The following FBXO34 variants were observed in gnomAD, a reference collection of about 807,000 sequenced individuals.
FBXO34 encodes the protein F-box only protein 34.
A neutral mutation model predicts 24.5 loss-of-function variants in FBXO34; 12 were observed. That is an observed-to-expected ratio of 0.49 (90% confidence interval 0.31 to 0.79). The LOEUF (loss-of-function observed/expected upper bound fraction) is 0.79, where lower values mean the gene tolerates loss of function less well. FBXO34 is among the 30% of genes least tolerant of loss of function. The probability of loss-of-function intolerance (pLI) is 0.04; values close to 1 mark genes in which losing one functional copy is unlikely to be tolerated. For missense variants in FBXO34, 823 were observed against 857.7 expected (o/e 0.96, Z 0.51); for synonymous variants, 320 against 311.9 (o/e 1.03, Z -0.27).
At chr14:55,385,289 G>GT in the FBXO34 span, among the ~76,000 whole-genome samples, 93 of 151,318 alleles carry the variant, frequency 6.1e-4, 1 homozygote, top group South Asian at 0.013. Flanking sequence ...TGGTTCTCTG[G>GT]TTTTTTTTTG....
At position 55,288,919 on chromosome 14, in the gene FBXO34, C is replaced by T. The variant is rs750332647; in HGVS notation, c.-11+17382C>T. Among the ~76,000 whole-genome samples, 16 of 152,172 alleles carry T rather than the reference C, an allele frequency of 1.1e-4. No homozygotes were observed. The South Asian group carries it at 1.2e-3, about 12-fold the overall frequency. ...CACAAAAATTAGCCAGGCGTGGTGGCGCATGCCTGTAATCCCAGTTACTGG... is the reference window on the plus strand; with the variant it reads ...CACAAAAATTAGCCAGGCGTGGTGGTGCATGCCTGTAATCCCAGTTACTGG... On this transcript the variant is annotated intron_variant, in intron 1 of 1. Coordinates refer to ENST00000313833, the MANE Select transcript of FBXO34 (RefSeq NM_017943.4).
the FBXO34 span, among the ~76,000 whole-genome samples, chr14:55,409,457 GGTAA>G: frequency 0.049 from 7,421 of 152,182 alleles, 431 homozygotes; most frequent in East Asian, 0.28. Flanking sequence ...ATCACATGGT[GGTAA>G]GTGTTATGGA....
chr14:55,313,188 A>C (rs754136721), intron 1 of FBXO34, among the ~76,000 whole-genome samples: 1 of 152,174 alleles, frequency 6.6e-6, no homozygotes, highest in African/African-American at 2.4e-5. Context: ...CTCAAGTTCA[A>C]AGTTCCACAG....
chr14:55,380,871 A>G, the FBXO34 span, among the ~76,000 whole-genome samples: 1 of 90,032 alleles, frequency 1.1e-5, no homozygotes, highest in Non-Finnish European at 2.1e-5. Flanking sequence ...ATATATATAT[A>G]TATATTTTTT....
chr14:55,380,678 C>T, the FBXO34 span: 1 of 1,603,180 alleles, frequency 6.2e-7, no homozygotes, highest in Admixed American at 1.7e-5. Flanking sequence ...GGCAGGGTTA[C>T]TCTGCTCCAT....
intron 1 of FBXO34, among the ~76,000 whole-genome samples, chr14:55,341,573 T>C (rs191326836): frequency 1.3e-5 from 2 of 152,364 alleles, no homozygotes; most frequent in African/African-American, 4.8e-5. Context: ...GAGTTGTTAA[T>C]AGGAACTCCG....
chr14:55,432,697 C>T, the FBXO34 span, among the ~76,000 whole-genome samples: 45,652 of 152,000 alleles, frequency 0.3, 9,392 homozygotes, highest in African/African-American at 0.6. Flanking sequence ...CCAGTGTCCA[C>T]AGGATAAAAT....
chr14:55,293,084 T>C (rs1019662792), intron 1 of FBXO34, among the ~76,000 whole-genome samples: 3 of 151,906 alleles, frequency 2.0e-5, no homozygotes, highest in Non-Finnish European at 4.4e-5. Context: ...GGTTTCACCA[T>C]GTTGGCCAGG....
chr14:55,304,209 G>GT (rs1301559444), intron 1 of FBXO34, among the ~76,000 whole-genome samples: 1 of 152,080 alleles, frequency 6.6e-6, no homozygotes, highest in African/African-American at 2.4e-5. Flanking sequence ...ATTAAAAACA[G>GT]TAAAAACTCT....
At position 55,331,731 on chromosome 14, in the gene FBXO34, ATATATATATG is replaced by A. The variant is rs1566559490; in HGVS notation, c.-10-18648_-10-18639del. Reference sequence around the variant, plus strand: ...TATATATATATGTATATATATATGTATATATATATGTGTGTATATATATATATATGTATAT... The same window carrying A: ...TATATATATATGTATATATATATGTATGTGTATATATATATATATGTATAT... On this transcript the variant is annotated intron_variant, in intron 1 of 1. Coordinates refer to ENST00000313833, the MANE Select transcript of FBXO34 (RefSeq NM_017943.4). Among the ~76,000 whole-genome samples the A allele has an allele frequency of 2.8e-4, 14 of 50,036 alleles. 3 individuals are homozygous for A. Among genetic ancestry groups the A allele is most frequent in the African/African-American group, 2.5e-3 (12 of 4,732 alleles). 32.8% of individuals were successfully genotyped at this position (50,036 alleles called of 152,430 possible).
chr14:55,279,228 GTGAGCTGAGGTCA>G (rs1881447558), intron 1 of FBXO34, among the ~76,000 whole-genome samples: 1 of 151,078 alleles, frequency 6.6e-6, no homozygotes. Flanking sequence ...GGAGGCTGCA[GTGAGCTGAGGTCA>G]TGCCACTGCA....
At chr14:55,310,592 C>CT (rs1882701550) in intron 1 of FBXO34, among the ~76,000 whole-genome samples, 1 of 152,142 alleles carries the variant, frequency 6.6e-6, no homozygotes, top group Non-Finnish European at 1.5e-5. Flanking sequence ...TACAAGGAAT[C>CT]TTTTAGATTA....
chr14:55,421,060 C>CAAAA, the FBXO34 span, among the ~76,000 whole-genome samples: 42 of 107,528 alleles, frequency 3.9e-4, no homozygotes, highest in Admixed American at 4.2e-4. Context: ...GAATCTGTCT[C>CAAAA]AAAAAAAAAA....
exon 3 of FBXO34, chr14:55,367,836 G>T (rs1276315599): frequency 2.6e-5 from 4 of 151,720 alleles, no homozygotes. Flanking sequence ...CTACCGGATA[G>T]AAATAAACTC....
chr14:55,279,578 T>C (rs1881464451), intron 1 of FBXO34, among the ~76,000 whole-genome samples: 1 of 152,194 alleles, frequency 6.6e-6, no homozygotes. Context: ...ATATAAACCC[T>C]TGGAGTATGT....
chr14:55,281,473 A>G lies in FBXO34; in HGVS notation c.-11+9936A>G, dbSNP rs1335328984. Among the ~76,000 whole-genome samples, 5 of 152,132 alleles carry G rather than the reference A, an allele frequency of 3.3e-5. No individual in the cohort carries two copies. In the East Asian group the frequency reaches 9.6e-4, roughly 29 times the overall value. ...ACACAGTTGGCAGGTTAGTTGGACA[A>G]AAATTCCAGCGGGATGATGTTACTC... On this transcript the variant is annotated intron_variant, in intron 1 of 1. Coordinates refer to ENST00000313833, the MANE Select transcript of FBXO34 (RefSeq NM_017943.4).
At chr14:55,368,150 T>G (rs1884725589), downstream of FBXO34, 1 of 152,684 alleles carries the variant, frequency 6.5e-6, no homozygotes, top group African/African-American at 2.4e-5. Flanking sequence ...TCTCTCATTA[T>G]AGTTTTCTTG....
intron 1 of FBXO34, among the ~76,000 whole-genome samples, chr14:55,291,043 T>C (rs967550532): frequency 6.6e-6 from 1 of 152,076 alleles, no homozygotes; most frequent in African/African-American, 2.4e-5. Context: ...GCCATGCTCG[T>C]CTTGAACTCC....
At chr14:55,283,211 T>C (rs1881620431) in intron 1 of FBXO34, among the ~76,000 whole-genome samples, 1 of 152,182 alleles carries the variant, frequency 6.6e-6, no homozygotes, top group African/African-American at 2.4e-5. Flanking sequence ...TATTGAATCG[T>C]CTTTCATTTG....
Sources: allele counts gnomAD v4.1 joint callset (sites outside exome capture counted in the v4.1 genomes callset), GRCh38; gene constraint gnomAD v4.1.1; transcripts MANE v1.5; gene names NCBI Gene and HGNC (gene_info 2026-07-23, HGNC 2026-07-21).